The following RFX8 variants were observed in gnomAD, a reference collection of about 807,000 sequenced individuals.
The protein encoded by RFX8 is regulatory factor X8.
In RFX8, 46 loss-of-function variants were observed where a neutral mutation model predicts 54.6. The observed-to-expected ratio is 0.84, with a 90% CI of 0.67 to 1.08. The LOEUF is 1.08. RFX8 is among the 50% of genes least tolerant of loss of function. RFX8 has a pLI of 0.00. For synonymous variants in RFX8, 192 were observed against 209.5 expected, an observed-to-expected ratio of 0.92 and a Z score of 0.72; for missense variants, 536 against 562.3, an observed-to-expected ratio of 0.95 and a Z score of 0.47.
At chr2:101,430,782 G>A (rs1009278055) in intron 2 of RFX8, among the ~76,000 whole-genome samples, 4 of 152,148 alleles carry the variant, frequency 2.6e-5, no homozygotes, top group Non-Finnish European at 5.9e-5. Context: ...CATTGCCACA[G>A]ATTTTGGGAC....
At chr2:101,443,538 C>A (rs1191512882) in intron 2 of RFX8, among the ~76,000 whole-genome samples, 2 of 150,438 alleles carry the variant, frequency 1.3e-5, no homozygotes, top group African/African-American at 4.9e-5. Flanking sequence ...TCCTTTCCTG[C>A]CTCTAATACA....
chr2:101,470,443 G>A (rs1480516975), intron 1 of RFX8, among the ~76,000 whole-genome samples: 1 of 152,098 alleles, frequency 6.6e-6, no homozygotes, highest in Non-Finnish European at 1.5e-5. Context: ...CATTGGTTAA[G>A]GGTTTTATAC....
At chr2:101,411,352 A>T (rs1230223946) in intron 8 of RFX8, among the ~76,000 whole-genome samples, 1 of 152,134 alleles carries the variant, frequency 6.6e-6, no homozygotes, top group African/African-American at 2.4e-5. Context: ...TTGGAACTGG[A>T]ATCATTTGCC....
intron 2 of RFX8, chr2:101,450,709 T>G (rs1219882051): frequency 4.5e-6 from 5 of 1,118,722 alleles, no homozygotes; most frequent in Non-Finnish European, 6.5e-6. Context: ...TCTTTAAATT[T>G]ATGTCTAACT....
At chr2:101,457,487 G>C (rs1161576714) in intron 2 of RFX8, among the ~76,000 whole-genome samples, 1 of 152,158 alleles carries the variant, frequency 6.6e-6, no homozygotes, top group Non-Finnish European at 1.5e-5. Flanking sequence ...TTCAGGAGCA[G>C]GTTGTTCAGT....
chr2:101,469,888 G>A (rs1042881588), intron 1 of RFX8, among the ~76,000 whole-genome samples: 1 of 152,190 alleles, frequency 6.6e-6, no homozygotes, highest in Non-Finnish European at 1.5e-5. Flanking sequence ...AGAAAGGGCT[G>A]CCTTCGGATG....
intron 2 of RFX8, among the ~76,000 whole-genome samples, chr2:101,461,986 C>T (rs892882053): frequency 1.1e-4 from 17 of 152,140 alleles, no homozygotes; most frequent in African/African-American, 4.1e-4. Context: ...GGGATGGGAA[C>T]TGACTGCAAT....
intron 1 of RFX8, chr2:101,474,249 C>T: frequency 3.5e-6 from 2 of 577,980 alleles, no homozygotes; most frequent in South Asian, 3.5e-5. Context: ...CGCCGCTCGA[C>T]GGCGAGGCCG....
chr2:101,475,073 AC>A lies in RFX8; in HGVS notation c.-491del, dbSNP rs577353065. Reference sequence around the variant, plus strand: ...TTTATGTCAGTGTCATTGCTGTGTGACATGGAGCTGCTGGCCATCTCCAAGT... The same window carrying A: ...TTTATGTCAGTGTCATTGCTGTGTGAATGGAGCTGCTGGCCATCTCCAAGT... On this transcript the variant is annotated 5_prime_UTR_variant, in exon 1 of 12. An upstream start codon of the reference 5' UTR is lost. Transcript: ENST00000428343. Among the ~76,000 whole-genome samples the A allele has an allele frequency of 5.1e-3, 784 of 152,248 alleles. 6 individuals are homozygous for A. The highest frequency in any genetic ancestry group is 0.018 in the African/African-American group (749 of 41,538).
intron 1 of RFX8, among the ~76,000 whole-genome samples, chr2:101,469,168 A>G (rs1199769505): frequency 6.9e-6 from 1 of 144,738 alleles, no homozygotes; most frequent in Non-Finnish European, 1.5e-5. Flanking sequence ...ACACACACAC[A>G]CATATACATG....
intron 7 of RFX8, among the ~76,000 whole-genome samples, chr2:101,414,166 T>G (rs1686341125): frequency 6.6e-6 from 1 of 152,186 alleles, no homozygotes; most frequent in South Asian, 2.1e-4. Flanking sequence ...CACACACGGG[T>G]GAAGGGTGTG....
intron 2 of RFX8, among the ~76,000 whole-genome samples, chr2:101,433,225 T>A (rs956725875): frequency 1.3e-5 from 2 of 152,170 alleles, no homozygotes; most frequent in African/African-American, 4.8e-5. Flanking sequence ...TGGGATTTGG[T>A]GACCGCCCCC....
chr2:101,398,672 G>A (rs566129614), intron 11 of RFX8, among the ~76,000 whole-genome samples: 1 of 152,316 alleles, frequency 6.6e-6, no homozygotes, highest in South Asian at 2.1e-4. Context: ...TTCACCTGAC[G>A]AGCAAGTCTT....
In RFX8 at chr2:101,398,602, G is replaced by C. The variant is rs893512303; in HGVS notation, c.1246-878C>G. ...CAATCTGGTATTGGTGACTCAATTG[G>C]GAAGTAACAGATTCGAGAGGTGGGG... On this transcript the variant is annotated intron_variant, in intron 11 of 11. Coordinates refer to ENST00000428343, the MANE Select transcript of RFX8 (RefSeq NM_001145664.2). Among the ~76,000 whole-genome samples, 5 of 152,168 alleles carry C rather than the reference G, an allele frequency of 3.3e-5. No individual in the cohort carries two copies. The East Asian group carries it at 5.8e-4, about 18-fold the overall frequency.
chr2:101,468,237 C>G lies in RFX8; in HGVS notation c.-52-1337G>C, dbSNP rs889984412. On this transcript the variant is annotated intron_variant, in intron 1 of 11. Transcript: ENST00000428343. ...ACAACAGAAATGTATTCTCACAGTT[C>G]TGGAAGCTGGAAGCTTAAAAATCCA... 1.7e-4 allele frequency among the ~76,000 whole-genome samples: 26 copies of G among 152,172 alleles called. 1 individual carries two copies. The highest frequency in any genetic ancestry group is 2.5e-4 in the Non-Finnish European group (17 of 68,024).
intron 2 of RFX8, among the ~76,000 whole-genome samples, chr2:101,434,294 A>C (rs1185714737): frequency 2.6e-5 from 4 of 152,250 alleles, no homozygotes; most frequent in African/African-American, 7.2e-5. Context: ...AAAATTAACA[A>C]GAACAATCTT....
Position 101,402,664 on chromosome 2 carries a change from G to C in RFX8, c.1017C>G (p.Asp339Glu), listed in dbSNP as rs971148424. Residue 339 changes from aspartate to glutamate, a missense_variant, in exon 11 of 12, where the codon GAC (aspartate) becomes GAG (glutamate). Transcript: ENST00000428343. ...GTAGCATTTCCTTGACAGTCCCCAT[G>C]TCCTCCTCCTCCTCTTCCTCCTCTA... ...SCLEEEEEEE[D>E]MGTVKEMLPD... 22 of 1,554,928 alleles carry C rather than the reference G, an allele frequency of 1.4e-5. No homozygotes were observed. The highest frequency in any genetic ancestry group is 3.9e-5 in the Admixed American group (2 of 51,282).
chr2:101,469,245 C>T (rs1689841546), intron 1 of RFX8, among the ~76,000 whole-genome samples: 2 of 150,082 alleles, frequency 1.3e-5, no homozygotes, highest in Admixed American at 1.3e-4. Context: ...TCCTCAAACT[C>T]CTGGGCTCAA....
chr2:101,450,513 C>T, intron 2 of RFX8: 1 of 680,258 alleles, frequency 1.5e-6, no homozygotes, highest in Non-Finnish European at 2.5e-6. Context: ...CAGGCGTGAG[C>T]CACCACACTT....
Sources: gnomAD v4.1 joint callset for allele counts (sites outside exome capture counted in the v4.1 genomes callset) on GRCh38, gnomAD v4.1.1 for gene constraint, MANE v1.5 for transcripts, NCBI Gene and HGNC (gene_info 2026-07-23, HGNC 2026-07-21) for gene names.